The following TRPM3 variants were observed in gnomAD, a reference collection of about 807,000 sequenced individuals.
The protein encoded by TRPM3 is long transient receptor potential channel 3.
In TRPM3, 77 loss-of-function variants were observed where a neutral mutation model predicts 181.2. The observed-to-expected ratio is 0.42, with a 90% confidence interval of 0.35 to 0.51. The LOEUF is 0.51. TRPM3 is among the 20% of genes least tolerant of loss of function. The pLI is 0.01. For synonymous variants in TRPM3, 745 were observed against 796.4 expected, an observed-to-expected ratio of 0.94 and a Z score of 1.09; for missense variants, 1,759 against 2,196.7, an observed-to-expected ratio of 0.80 and a Z score of 3.98.
intron 1 of TRPM3, among the ~76,000 whole-genome samples, chr9:71,443,492 G>T (rs979251021): frequency 1.3e-5 from 2 of 152,142 alleles, no homozygotes; most frequent in African/African-American, 4.8e-5. Context: ...CACTGCTTCT[G>T]CCTGTCACCA....
intron 1 of TRPM3, among the ~76,000 whole-genome samples, chr9:70,873,292 G>A (rs944648423): frequency 1.3e-5 from 2 of 151,876 alleles, no homozygotes; most frequent in African/African-American, 4.8e-5. Context: ...AGAGGACCAT[G>A]ACAAAGCCAG....
chr9:70,583,374 G>A (rs199962833), intron 22 of TRPM3, among the ~76,000 whole-genome samples: 1 of 152,210 alleles, frequency 6.6e-6, no homozygotes, highest in Non-Finnish European at 1.5e-5. Flanking sequence ...GAGTGGCCAG[G>A]TTACCTATGA....
At chr9:70,873,654 T>A (rs1467759157) in intron 1 of TRPM3, among the ~76,000 whole-genome samples, 1 of 151,978 alleles carries the variant, frequency 6.6e-6, no homozygotes, top group Non-Finnish European at 1.5e-5. Flanking sequence ...AACATTGTGT[T>A]CCTTGATGGG....
chr9:71,071,176 A>G (rs972645861), intron 1 of TRPM3, among the ~76,000 whole-genome samples: 7 of 152,042 alleles, frequency 4.6e-5, no homozygotes, highest in African/African-American at 1.7e-4. Context: ...TCACATGTAC[A>G]TTTCTGGGCC....
chr9:71,250,584 G>T (rs535619851), intron 1 of TRPM3, among the ~76,000 whole-genome samples: 2 of 152,092 alleles, frequency 1.3e-5, no homozygotes, highest in Non-Finnish European at 2.9e-5. Flanking sequence ...CCTTGTTCAG[G>T]GAGACATTAA....
intron 9 of TRPM3, among the ~76,000 whole-genome samples, chr9:70,647,083 C>T (rs998648129): frequency 6.6e-5 from 10 of 152,060 alleles, no homozygotes; most frequent in East Asian, 1.9e-4. Flanking sequence ...CCTGGACCAG[C>T]GAGATTCACA....
intron 7 of TRPM3, among the ~76,000 whole-genome samples, chr9:70,777,207 T>C (rs2081527275): frequency 1.3e-5 from 2 of 152,070 alleles, no homozygotes; most frequent in Non-Finnish European, 2.9e-5. Flanking sequence ...TATGCAACTA[T>C]GTTTTCTCCG....
intron 1 of TRPM3, among the ~76,000 whole-genome samples, chr9:71,412,576 A>C (rs1200461027): frequency 4.6e-5 from 7 of 152,218 alleles, no homozygotes; most frequent in Non-Finnish European, 1.0e-4. Context: ...TAGAATGGCA[A>C]TCATTAAAAA....
chr9:70,770,319 T>C (rs1233510780), intron 7 of TRPM3, among the ~76,000 whole-genome samples: 1 of 152,228 alleles, frequency 6.6e-6, no homozygotes, highest in Non-Finnish European at 1.5e-5. Context: ...CAGATTCTTA[T>C]TCATTTGCAT....
chr9:71,189,896 A>G (rs2077906660), intron 1 of TRPM3, among the ~76,000 whole-genome samples: 1 of 151,888 alleles, frequency 6.6e-6, no homozygotes, highest in Non-Finnish European at 1.5e-5. Context: ...AAGACTTTAC[A>G]TATCAACAGT....
Position 70,615,966 on chromosome 9 carries a change from T to G in TRPM3, c.2468A>C (p.Glu823Ala). 1 of 1,613,350 alleles carries G rather than the reference T, an allele frequency of 6.2e-7. No homozygotes were observed. Among genetic ancestry groups the G allele is most frequent in the South Asian group, 1.1e-5 (1 of 90,862 alleles). Residue 823 changes from glutamate (E) to alanine (A), a missense_variant, in exon 18 of 26, where the codon GAG (glutamate) becomes GCG (alanine). Around this residue, in one of 8 missense-constraint regions of TRPM3, gnomAD observed 114 missense variants for 134.8 expected, o/e 0.85. Transcript: ENST00000677713. ...TGTGGGCTTCTCTGGTTCTTCTGCC[T>G]CCTTCTCTTGGAGGTGGATTTCCTG... ...QAQEIHLQEK[E>A]AEEPEKPTKE...
chr9:71,308,478 T>C (rs918533401), intron 1 of TRPM3, among the ~76,000 whole-genome samples: 1 of 152,160 alleles, frequency 6.6e-6, no homozygotes, highest in African/African-American at 2.4e-5. Context: ...CAGAATCTAG[T>C]TGTCATAACT....
chr9:70,852,991 C>A (rs189056154), intron 3 of TRPM3, among the ~76,000 whole-genome samples: 25 of 152,204 alleles, frequency 1.6e-4, no homozygotes, highest in African/African-American at 6.0e-4. Flanking sequence ...TCCCATGGGT[C>A]AATTTTATCT....
intron 8 of TRPM3, among the ~76,000 whole-genome samples, chr9:70,695,219 G>T (rs1018280127): frequency 6.6e-6 from 1 of 152,156 alleles, no homozygotes; most frequent in East Asian, 1.9e-4. Flanking sequence ...ACTGAATCTT[G>T]CCAGTTAGTA....
chr9:71,205,029 C>T (rs1587944190), intron 1 of TRPM3, among the ~76,000 whole-genome samples: 1 of 151,824 alleles, frequency 6.6e-6, no homozygotes, highest in Non-Finnish European at 1.5e-5. Flanking sequence ...CACATGGACA[C>T]AGGAAGGGGA....
At chr9:71,071,883 A>G (rs575756279) in intron 1 of TRPM3, among the ~76,000 whole-genome samples, 6 of 152,288 alleles carry the variant, frequency 3.9e-5, no homozygotes, top group Admixed American at 2.0e-4. Context: ...GAATCAATAC[A>G]CTTCAGGTCT....
At chr9:71,233,158 A>G (rs2081169605) in intron 1 of TRPM3, among the ~76,000 whole-genome samples, 1 of 152,224 alleles carries the variant, frequency 6.6e-6, no homozygotes. Flanking sequence ...ACATGAGACA[A>G]TTGCACTAAT....
chr9:71,141,038 A>G (rs527571429), intron 1 of TRPM3, among the ~76,000 whole-genome samples: 1 of 152,340 alleles, frequency 6.6e-6, no homozygotes, highest in Admixed American at 6.5e-5. Context: ...GAACTATAAA[A>G]AAGATTATGC....
intron 7 of TRPM3, among the ~76,000 whole-genome samples, chr9:70,767,100 G>A (rs1044322123): frequency 6.6e-6 from 1 of 152,124 alleles, no homozygotes; most frequent in African/African-American, 2.4e-5. Flanking sequence ...ACAACTAGTG[G>A]GCCAGGGCCT....
Sources: allele counts gnomAD v4.1 joint callset (sites outside exome capture counted in the v4.1 genomes callset), GRCh38; gene constraint gnomAD v4.1.1; regional missense constraint gnomAD v4.1.1; transcripts MANE v1.5; gene names NCBI Gene and HGNC (gene_info 2026-07-23, HGNC 2026-07-21).